IL6R: variants seen among roughly 807,000 people sequenced by gnomAD.
The protein encoded by IL6R is interleukin-6 receptor subunit alpha.
IL6R carries 38 observed loss-of-function variants against 48.3 expected under a neutral mutation model. The observed-to-expected ratio is 0.79, with a 90% CI of 0.61 to 1.03. The LOEUF (loss-of-function observed/expected upper bound fraction) is 1.03. IL6R is among the 50% of genes least tolerant of loss of function. The probability of loss-of-function intolerance (pLI) is 0.00; values close to 1 mark genes in which losing one functional copy is unlikely to be tolerated. For synonymous variants in IL6R, 264 were observed against 256.2 expected (o/e 1.03, Z -0.29); for missense variants, 534 against 618.3 (o/e 0.86, Z 1.45).
chr1:154,459,468 T>C (rs115952313), intron 9 of IL6R, among the ~76,000 whole-genome samples: 2,513 of 152,266 alleles, frequency 0.017, 67 homozygotes, highest in African/African-American at 0.056. Flanking sequence ...AGAAATACTG[T>C]GGGGCTCTGG....
chr1:154,419,343 G>A (rs72698128), intron 1 of IL6R, among the ~76,000 whole-genome samples: 2,943 of 152,250 alleles, frequency 0.019, 42 homozygotes, highest in African/African-American at 0.036. Context: ...GCAAGAACAG[G>A]TGACCAAGAG....
intron 1 of IL6R, among the ~76,000 whole-genome samples, chr1:154,414,092 A>T (rs1471861523): frequency 2.0e-5 from 3 of 152,016 alleles, no homozygotes; most frequent in Non-Finnish European, 4.4e-5. Context: ...TCTGGGTTCA[A>T]GCGATCCTCC....
chr1:154,417,469 A>G (rs1688418224), intron 1 of IL6R, among the ~76,000 whole-genome samples: 1 of 152,178 alleles, frequency 6.6e-6, no homozygotes, highest in East Asian at 1.9e-4. Context: ...ATCTGCAGGT[A>G]CCAATGGCTT....
chr1:154,465,203 G>A lies in IL6R; in HGVS notation c.1230G>A (p.Leu410=), dbSNP rs750995068. The change falls in exon 10 of 10, where the codon TTG becomes TTA. Residue 410 remains leucine, a synonymous_variant. Transcript: ENST00000368485. ...GKTSMHPPYS[L]GQLVPERPRP... ...CAAGCATGCATCCGCCGTACTCTTT[G>A]GGGCAGCTGGTCCCGGAGAGGCCTC... is the stretch of plus-strand genomic sequence containing the variant. The A allele has an allele frequency of 3.1e-6, 5 of 1,614,028 alleles. No homozygotes were observed. The African/African-American group carries it at 6.7e-5, about 22-fold the overall frequency.
chr1:154,409,108 A>G (rs566402357), intron 1 of IL6R, among the ~76,000 whole-genome samples: 24 of 152,352 alleles, frequency 1.6e-4, no homozygotes, highest in African/African-American at 5.3e-4. Context: ...ACCGAATTCC[A>G]GTCTGGGCGA....
chr1:154,411,557 CTA>C (rs1344574516), intron 1 of IL6R, among the ~76,000 whole-genome samples: 1 of 152,170 alleles, frequency 6.6e-6, no homozygotes, highest in Non-Finnish European at 1.5e-5. Flanking sequence ...ATCCACATCA[CTA>C]TAAATGAATT....
At chr1:154,450,317 G>C (rs902157204) in intron 8 of IL6R, among the ~76,000 whole-genome samples, 4 of 152,034 alleles carry the variant, frequency 2.6e-5, no homozygotes, top group African/African-American at 9.7e-5. Flanking sequence ...CTAGAGACAG[G>C]GTTTCACTAT....
At chr1:154,450,318 G>A (rs1690513856) in intron 8 of IL6R, among the ~76,000 whole-genome samples, 1 of 152,062 alleles carries the variant, frequency 6.6e-6, no homozygotes, top group Admixed American at 6.6e-5. Flanking sequence ...TAGAGACAGG[G>A]TTTCACTATG....
intron 1 of IL6R, chr1:154,414,761 C>T: frequency 1.3e-6 from 1 of 772,860 alleles, no homozygotes; most frequent in African/African-American, 1.7e-5. Flanking sequence ...GTCTGGATGT[C>T]CTTGGCAGGC....
intron 8 of IL6R, among the ~76,000 whole-genome samples, chr1:154,450,517 C>T (rs1165914857): frequency 2.0e-5 from 3 of 152,040 alleles, no homozygotes; most frequent in Admixed American, 6.6e-5. Flanking sequence ...CAAATCACTT[C>T]GAGATATTTG....
At chr1:154,442,428 G>A (rs1439467038) in intron 6 of IL6R, among the ~76,000 whole-genome samples, 1 of 152,192 alleles carries the variant, frequency 6.6e-6, no homozygotes, top group Non-Finnish European at 1.5e-5. Context: ...GAGCTGCTTG[G>A]TGAGGCCGAC....
At chr1:154,462,582 T>C (rs1691327752) in intron 9 of IL6R, among the ~76,000 whole-genome samples, 1 of 151,794 alleles carries the variant, frequency 6.6e-6, no homozygotes, top group Non-Finnish European at 1.5e-5. Flanking sequence ...ACAATGTTGG[T>C]CAGGCTGGTC....
chr1:154,428,264 A>T (rs1265843411), intron 1 of IL6R, among the ~76,000 whole-genome samples: 3 of 149,174 alleles, frequency 2.0e-5, no homozygotes, highest in African/African-American at 4.9e-5. Flanking sequence ...TAGAGAATGC[A>T]TTTTTTTTTT....
At chr1:154,424,770 G>T (rs954838607) in intron 1 of IL6R, among the ~76,000 whole-genome samples, 9 of 152,156 alleles carry the variant, frequency 5.9e-5, no homozygotes, top group Non-Finnish European at 1.3e-4. Flanking sequence ...TCAACGCACT[G>T]GACCGTGTGT....
intron 3 of IL6R, among the ~76,000 whole-genome samples, chr1:154,431,385 C>T (rs906234352): frequency 6.6e-5 from 10 of 152,134 alleles, no homozygotes; most frequent in South Asian, 4.1e-4. Flanking sequence ...GCAAGGAGGT[C>T]GCATTCCAAG....
At chr1:154,439,136 A>G (rs1689796503) in intron 6 of IL6R, among the ~76,000 whole-genome samples, 1 of 152,100 alleles carries the variant, frequency 6.6e-6, no homozygotes, top group African/African-American at 2.4e-5. Flanking sequence ...CGTGCAGAGG[A>G]ATAGGAATTC....
At chr1:154,455,471 T>G (rs1386527870) in intron 9 of IL6R, among the ~76,000 whole-genome samples, 3 of 148,278 alleles carry the variant, frequency 2.0e-5, no homozygotes, top group Admixed American at 1.3e-4. Flanking sequence ...TTTTTTTTTT[T>G]GAGACAGAGT....
intron 1 of IL6R, among the ~76,000 whole-genome samples, chr1:154,407,820 C>A (rs1687819361): frequency 6.6e-6 from 1 of 152,174 alleles, no homozygotes; most frequent in African/African-American, 2.4e-5. Context: ...CTAGCTGGGA[C>A]TTAGGCTTCT....
chr1:154,454,599 G>A lies in IL6R; in HGVS notation c.1160+18G>A, dbSNP rs1265308074. On this transcript the variant is annotated intron_variant, in intron 9 of 9. Coordinates refer to ENST00000368485, the MANE Select transcript of IL6R (RefSeq NM_000565.4). The stretch of plus-strand genomic sequence containing the variant: ...GTTCTGAGGTGAGATGGGTCCCAGG[G>A]GATGGCCCTGTGGTGTTCTCATATT... 4 of 1,543,614 alleles carry A rather than the reference G, an allele frequency of 2.6e-6. No homozygotes were observed. In the Admixed American group the frequency reaches 6.7e-5, roughly 26 times the overall value.
Sources: gnomAD v4.1 joint callset for allele counts (sites outside exome capture counted in the v4.1 genomes callset) on GRCh38, gnomAD v4.1.1 for gene constraint, MANE v1.5 for transcripts, NCBI Gene and HGNC (gene_info 2026-07-23, HGNC 2026-07-21) for gene names.